Variants in XPNPEP1 observed in about 807,000 individuals in gnomAD.
XPNPEP1 encodes the protein X-prolyl aminopeptidase 1.
A neutral mutation model predicts 92.4 loss-of-function variants in XPNPEP1; 39 were observed. That is an observed-to-expected ratio of 0.42 (90% CI 0.33 to 0.55). XPNPEP1 has a LOEUF of 0.55. Among genes scored for constraint, XPNPEP1 ranks in the 20% least tolerant of loss-of-function variants. XPNPEP1 has a pLI of 0.08. For synonymous variants in XPNPEP1, 307 were observed against 299.4 expected, an observed-to-expected ratio of 1.03 and a Z score of -0.26; for missense variants, 654 against 856.1, an observed-to-expected ratio of 0.76 and a Z score of 2.95.
chr10:109,892,710 C>T, intron 4 of XPNPEP1: 1 of 324,692 alleles, frequency 3.1e-6, no homozygotes, highest in South Asian at 4.2e-5. Flanking sequence ...CAGGTATATT[C>T]AGTTTAATTG....
intron 3 of XPNPEP1, among the ~76,000 whole-genome samples, chr10:109,904,256 T>C (rs1849437181): frequency 1.3e-5 from 2 of 149,378 alleles, no homozygotes; most frequent in Non-Finnish European, 3.0e-5. Context: ...CCCAGCCTCA[T>C]GGCTTCCTCA....
chr10:109,875,954 T>C (rs572457771), intron 14 of XPNPEP1: 1 of 203,774 alleles, frequency 4.9e-6, no homozygotes, highest in South Asian at 7.7e-5. Context: ...GCTAGAGTCC[T>C]GGGAACTGGG....
At chr10:109,890,733 C>T (rs1193248998) in intron 5 of XPNPEP1, among the ~76,000 whole-genome samples, 2 of 152,084 alleles carry the variant, frequency 1.3e-5, no homozygotes, top group Non-Finnish European at 2.9e-5. Context: ...AATGCCAAGA[C>T]AAAAATGTTC....
chr10:109,871,647 A>T (rs1166053921), intron 17 of XPNPEP1, 145 bp downstream of exon 17: 1 of 875,784 alleles, frequency 1.1e-6, no homozygotes, highest in African/African-American at 1.7e-5. Context: ...GGTTATGGAG[A>T]CTCACCCCAT....
chr10:109,905,764 T>C (rs1208765026), intron 3 of XPNPEP1, among the ~76,000 whole-genome samples: 1 of 152,212 alleles, frequency 6.6e-6, no homozygotes, highest in Non-Finnish European at 1.5e-5. Context: ...TTCACTATTT[T>C]CTCAACTAAC....
chr10:109,896,317 T>A (rs952488614), intron 3 of XPNPEP1, among the ~76,000 whole-genome samples: 14 of 151,604 alleles, frequency 9.2e-5, no homozygotes, highest in Non-Finnish European at 1.9e-4. Context: ...CGCCTTCTGT[T>A]ACCCTAGCTA....
At chr10:109,879,356 G>A (rs1229812709) in intron 12 of XPNPEP1, among the ~76,000 whole-genome samples, 2 of 152,134 alleles carry the variant, frequency 1.3e-5, no homozygotes, top group Admixed American at 1.3e-4. Flanking sequence ...TGGATCACAA[G>A]GTCAGGAGTT....
chr10:109,870,124 AAGG>A, intron 18 of XPNPEP1, 95 bp from the exon 19 acceptor site: 2 of 1,361,176 alleles, frequency 1.5e-6, no homozygotes, highest in East Asian at 2.4e-5. Flanking sequence ...CCCTACTCCA[AAGG>A]AGAAGAAACG....
chr10:109,868,369 C>T (rs142275488), intron 20 of XPNPEP1, among the ~76,000 whole-genome samples: 128 of 151,760 alleles, frequency 8.4e-4, no homozygotes, highest in Admixed American at 2.8e-3. Context: ...ACAAACCCTA[C>T]AGCCCCAGAA....
At chr10:109,918,076 T>G (rs1181759397) in intron 1 of XPNPEP1, among the ~76,000 whole-genome samples, 1 of 151,284 alleles carries the variant, frequency 6.6e-6, no homozygotes, top group Non-Finnish European at 1.5e-5. Flanking sequence ...ATAGCACCAC[T>G]GCACTCCAGC....
In XPNPEP1 at chr10:109,873,332, G is replaced by A. The variant is rs1426323103; in HGVS notation, c.1452+35C>T. 5 of 1,612,364 alleles carry A rather than the reference G, an allele frequency of 3.1e-6. No individual in the cohort carries two copies. In the South Asian group the frequency reaches 5.5e-5, roughly 18 times the overall value. On this transcript the variant is annotated intron_variant, in intron 16 of 20. Transcript: ENST00000502935. ...AAGCAATGCTCTTCTTAAGAAAGCA[G>A]AGAGGACCTCTTGAGTTTTTTACCT...
chr10:109,914,202 G>A (rs968936731), intron 2 of XPNPEP1, among the ~76,000 whole-genome samples: 1 of 152,062 alleles, frequency 6.6e-6, no homozygotes, highest in Non-Finnish European at 1.5e-5. Context: ...CAACCCATCA[G>A]ACAATTAACC....
intron 8 of XPNPEP1, 45 bp from the exon 9 acceptor site, chr10:109,884,193 G>A: frequency 6.3e-7 from 1 of 1,590,280 alleles, no homozygotes; most frequent in South Asian, 1.1e-5. Context: ...GACTTAAGAT[G>A]TTAAGGGGTC....
At chr10:109,912,107 C>T (rs924568934) in intron 2 of XPNPEP1, among the ~76,000 whole-genome samples, 2 of 152,146 alleles carry the variant, frequency 1.3e-5, no homozygotes, top group African/African-American at 4.8e-5. Context: ...CACATCATCA[C>T]GTTTCCCCTG....
rs1337876518 is a variant in XPNPEP1, at chr10:109,907,785, T to C, written c.152A>G (p.Glu51Gly). 5.0e-6 allele frequency: 8 copies of C among 1,614,088 alleles called. No individual in the cohort carries two copies. The South Asian group carries it at 8.8e-5, about 18-fold the overall frequency. ...GGCTTGTCTCAGCTGCCGAAGCAGC[T>C]CTGAAGTCACCTTTGGAGGCATTCT... ...DGRMPPKVTSELLRQLRQAMR... is the reference protein window; with the variant it reads ...DGRMPPKVTSGLLRQLRQAMR... The change falls in exon 3 of 21, where the codon GAG becomes GGG. Residue 51 changes from glutamate to glycine, a missense_variant. Glu to Gly is a moderately conservative substitution (Grantham distance 98). Transcript: ENST00000502935.
intron 8 of XPNPEP1, among the ~76,000 whole-genome samples, chr10:109,884,790 C>T (rs1252156780): frequency 1.3e-5 from 2 of 152,206 alleles, no homozygotes; most frequent in African/African-American, 4.8e-5. Flanking sequence ...TGTTGCTGAA[C>T]GTCTGAGAAC....
At chr10:109,885,932 C>G (rs1467093714) in intron 8 of XPNPEP1, among the ~76,000 whole-genome samples, 1 of 152,184 alleles carries the variant, frequency 6.6e-6, no homozygotes, top group East Asian at 1.9e-4. Flanking sequence ...CACTTCTACA[C>G]CTACAGAGGC....
At chr10:109,891,437 C>T (rs1200554568) in intron 5 of XPNPEP1, 1 of 262,052 alleles carries the variant, frequency 3.8e-6, no homozygotes, top group East Asian at 7.0e-5. Context: ...GCCCCCAGTA[C>T]AGGAGTGAAA....
chr10:109,896,797 T>C (rs946703825), intron 3 of XPNPEP1, among the ~76,000 whole-genome samples: 1 of 152,036 alleles, frequency 6.6e-6, no homozygotes, highest in African/African-American at 2.4e-5. Context: ...TCTACGAAGA[T>C]GGACGAAGGG....
Sources: allele counts gnomAD v4.1 joint callset (sites outside exome capture counted in the v4.1 genomes callset), GRCh38; gene constraint gnomAD v4.1.1; transcripts MANE v1.5; gene names NCBI Gene and HGNC (gene_info 2026-07-23, HGNC 2026-07-21).